Variants in LAMA1 observed in about 807,000 individuals in gnomAD.
LAMA1 encodes the protein laminin subunit alpha-1.
In LAMA1, 219 loss-of-function variants were observed where a neutral mutation model predicts 348.7. The ratio of observed to expected loss-of-function variants is 0.63; its 90% CI spans 0.56 to 0.70. The LOEUF (loss-of-function observed/expected upper bound fraction) is 0.70, where lower values mean the gene tolerates loss of function less well. LAMA1 is among the 30% of genes least tolerant of loss of function. The probability of loss-of-function intolerance (pLI) is 0.00; values close to 1 mark genes in which losing one functional copy is unlikely to be tolerated. For missense variants in LAMA1, 3,744 were observed against 3,888.0 expected, an observed-to-expected ratio of 0.96 and a Z score of 0.99; for synonymous variants, 1,487 against 1,491.0, an observed-to-expected ratio of 1.00 and a Z score of 0.06.
At chr18:7,043,498 A>G (rs2058029277) in intron 7 of LAMA1, 93 bp from the exon 8 acceptor site, 1 of 1,024,406 alleles carries the variant, frequency 9.8e-7, no homozygotes, top group African/African-American at 1.6e-5. Context: ...CTATGATTTT[A>G]GATTAAATTA....
intron 53 of LAMA1, 123 bp downstream of exon 53, chr18:6,961,463 T>C: frequency 8.9e-7 from 1 of 1,122,632 alleles, no homozygotes; most frequent in Non-Finnish European, 1.3e-6. Context: ...TTATTGAAAA[T>C]GCACATCCAT....
intron 2 of LAMA1, 37 bp from the exon 3 acceptor site, chr18:7,080,124 G>A: frequency 6.3e-7 from 1 of 1,576,452 alleles, no homozygotes; most frequent in Non-Finnish European, 8.7e-7. Context: ...ATTCCTCTCG[G>A]CTGTTGCTTT....
intron 61 of LAMA1, among the ~76,000 whole-genome samples, chr18:6,944,305 C>T (rs536615037): frequency 9.2e-5 from 14 of 152,276 alleles, no homozygotes; most frequent in South Asian, 6.2e-4. Context: ...TGTGAGCCAC[C>T]GCACCTGGCC....
chr18:7,038,606 G>C, intron 11 of LAMA1: 1 of 685,320 alleles, frequency 1.5e-6, no homozygotes, highest in South Asian at 1.7e-5. Flanking sequence ...TTTTTCCATA[G>C]AGAAATGTGT....
intron 34 of LAMA1, among the ~76,000 whole-genome samples, chr18:6,994,698 C>T (rs929896804): frequency 2.3e-4 from 28 of 122,104 alleles, no homozygotes; most frequent in African/African-American, 7.7e-4. Flanking sequence ...CACACACACA[C>T]ATACAAAATT....
rs752112174 is a variant in LAMA1, at chr18:6,975,007, T to C, written c.6519A>G (p.Arg2173=). Residue 2173 remains arginine, a synonymous_variant, in exon 46 of 63, where the codon CGA becomes CGG. Transcript: ENST00000389658. ...ASDFLAVEMR[R]GRVAFLWDLG... ...GGTCCCACAGGAAGGCCACTCTCCC[T>C]CGCCGCATCTCCACTGCAAGGAAAT... 1 of 1,613,990 alleles carries C rather than the reference T, an allele frequency of 6.2e-7. No individual in the cohort carries two copies. Among genetic ancestry groups the C allele is most frequent in the Admixed American group, 1.7e-5 (1 of 60,000 alleles).
At chr18:7,099,027 G>A (rs1372013467) in intron 1 of LAMA1, among the ~76,000 whole-genome samples, 1 of 152,054 alleles carries the variant, frequency 6.6e-6, no homozygotes, top group South Asian at 2.1e-4. Flanking sequence ...GAATAGAAAG[G>A]GGGGAAAGGC....
intron 24 of LAMA1, 101 bp downstream of exon 24, chr18:7,011,894 G>A: frequency 7.0e-7 from 1 of 1,429,240 alleles, no homozygotes; most frequent in Non-Finnish European, 9.5e-7. Context: ...GATGCCATAA[G>A]AGCAAAATTT....
intron 22 of LAMA1, among the ~76,000 whole-genome samples, chr18:7,014,950 C>G (rs1251566734): frequency 6.6e-6 from 1 of 151,988 alleles, no homozygotes; most frequent in Non-Finnish European, 1.5e-5. Flanking sequence ...GGGTTCACGT[C>G]GTTCTCCTGC....
intron 16 of LAMA1, among the ~76,000 whole-genome samples, chr18:7,027,682 C>T (rs1036155848): frequency 6.6e-6 from 1 of 152,150 alleles, no homozygotes; most frequent in African/African-American, 2.4e-5. Flanking sequence ...GTGGTTCACG[C>T]CTGTAATCCC....
intron 41 of LAMA1, among the ~76,000 whole-genome samples, chr18:6,981,097 C>T (rs1285401656): frequency 2.0e-5 from 3 of 148,302 alleles, no homozygotes; most frequent in Non-Finnish European, 4.5e-5. Context: ...AGCGAGACTC[C>T]GTCTCAAAAA....
chr18:7,093,774 CTTTT>C (rs34130725), intron 1 of LAMA1, among the ~76,000 whole-genome samples: 7 of 124,598 alleles, frequency 5.6e-5, no homozygotes, highest in African/African-American at 1.6e-4. Context: ...GGTTTCTCAA[CTTTT>C]TTTTTTTTTT....
chr18:6,942,329 G>A (rs1057059193), intron 62 of LAMA1, 90 bp from the exon 63 acceptor site: 33 of 1,400,776 alleles, frequency 2.4e-5, no homozygotes, highest in Middle Eastern at 2.3e-4. Context: ...TCTCAAGCGG[G>A]TTTTTTTATT....
intron 36 of LAMA1, among the ~76,000 whole-genome samples, chr18:6,988,904 A>T (rs150354076): frequency 6.1e-5 from 5 of 82,354 alleles, no homozygotes; most frequent in African/African-American, 2.2e-4. Context: ...CGAAGTGTAC[A>T]GTAAAGAGTC....
chr18:6,962,094 T>C, intron 51 of LAMA1, 35 bp from the exon 52 acceptor site: 1 of 1,536,110 alleles, frequency 6.5e-7, no homozygotes, highest in South Asian at 1.1e-5. Flanking sequence ...TCACAAAATT[T>C]GGGTTTTTAA....
chr18:7,010,561 G>A (rs546463099), intron 25 of LAMA1, among the ~76,000 whole-genome samples, 176 bp from the exon 26 acceptor site: 2 of 152,178 alleles, frequency 1.3e-5, no homozygotes, highest in Non-Finnish European at 2.9e-5. Context: ...GGATTATTAA[G>A]TTGACCTAAG....
chr18:6,986,904 G>A (rs942349231), intron 36 of LAMA1, among the ~76,000 whole-genome samples: 1 of 152,176 alleles, frequency 6.6e-6, no homozygotes, highest in South Asian at 2.1e-4. Flanking sequence ...GGATTAAGGT[G>A]CCTGCCATCA....
At chr18:7,073,852 A>T (rs2058156035) in intron 3 of LAMA1, among the ~76,000 whole-genome samples, 1 of 61,856 alleles carries the variant, frequency 1.6e-5, no homozygotes, top group South Asian at 8.2e-4. Context: ...GTGTGTGTTT[A>T]TGAGAAGGAG....
At chr18:6,978,507 A>G in intron 42 of LAMA1, 129 bp from the exon 43 acceptor site, 2 of 909,478 alleles carry the variant, frequency 2.2e-6, no homozygotes, top group Non-Finnish European at 3.4e-6. Context: ...ACACAAACTG[A>G]GGCTTGTCTG....
Sources: allele counts gnomAD v4.1 joint callset (sites outside exome capture counted in the v4.1 genomes callset), GRCh38; gene constraint gnomAD v4.1.1; transcripts MANE v1.5; gene names NCBI Gene and HGNC (gene_info 2026-07-23, HGNC 2026-07-21).